The following ANK3 variants were observed in gnomAD, a reference collection of about 807,000 sequenced individuals.
ANK3 encodes ankyrin 3.
Under a neutral mutation model 370.9 loss-of-function variants are expected in ANK3, and 57 were observed. That is an observed-to-expected ratio of 0.15 (90% CI 0.12 to 0.19). The LOEUF (loss-of-function observed/expected upper bound fraction) is 0.19. Among genes scored for constraint, ANK3 ranks in the 10% least tolerant of loss-of-function variants. The probability of loss-of-function intolerance (pLI) is 1.00; values close to 1 mark genes in which losing one functional copy is unlikely to be tolerated. For synonymous variants in ANK3, 1,929 were observed against 1,946.3 expected, an observed-to-expected ratio of 0.99 and a Z score of 0.23; for missense variants, 4,439 against 5,302.1, an observed-to-expected ratio of 0.84 and a Z score of 5.06.
At chr10:60,285,669 A>G (rs1593062716) in intron 1 of ANK3, among the ~76,000 whole-genome samples, 1 of 151,914 alleles carries the variant, frequency 6.6e-6, no homozygotes, top group African/African-American at 2.4e-5. Context: ...TATGGCTCCC[A>G]CTATTCTCTC....
At chr10:60,205,451 A>G (rs1332308566) in intron 11 of ANK3, among the ~76,000 whole-genome samples, 2 of 152,164 alleles carry the variant, frequency 1.3e-5, no homozygotes, top group African/African-American at 2.4e-5. Flanking sequence ...TCCAGACATG[A>G]CTAAACGCCC....
At chr10:60,423,107 TA>T (rs977944398) in intron 2 of ANK3, among the ~76,000 whole-genome samples, 1 of 152,040 alleles carries the variant, frequency 6.6e-6, no homozygotes, top group African/African-American at 2.4e-5. Flanking sequence ...CAGATAATTT[TA>T]AAAGACCCAT....
At chr10:60,214,162 T>C (rs1158460140) in intron 8 of ANK3, among the ~76,000 whole-genome samples, 1 of 152,124 alleles carries the variant, frequency 6.6e-6, no homozygotes, top group Non-Finnish European at 1.5e-5. Context: ...TCTCTTTTAA[T>C]TAGATATGCT....
intron 35 of ANK3, chr10:60,081,426 T>C: frequency 2.6e-6 from 1 of 382,020 alleles, no homozygotes; most frequent in South Asian, 2.0e-5. Context: ...CTAAGGCTAC[T>C]TGATTCTATT....
intron 28 of ANK3, 131 bp downstream of exon 28, chr10:60,105,774 A>C (rs2092081822): frequency 2.2e-6 from 2 of 927,322 alleles, no homozygotes; most frequent in Non-Finnish European, 3.1e-6. Flanking sequence ...AAACAGCAAC[A>C]AAAGCTGAAG....
In ANK3 at chr10:60,108,899, G is replaced by C. The variant is rs1178423255; in HGVS notation, c.3104C>G (p.Pro1035Arg). ...VKRHKLANPP[P>R]MVEGEGLASR... Reference sequence around the variant, plus strand: ...GGCTAATCCCTCTCCTTCCACCATGGGGGGTGGGTTGGCCAGTTTATGTCT... The same window carrying C: ...GGCTAATCCCTCTCCTTCCACCATGCGGGGTGGGTTGGCCAGTTTATGTCT... The change falls in exon 27 of 44, where the codon CCC becomes CGC. Residue 1035 changes from proline to arginine, a missense_variant. By Grantham distance (103) the Pro-to-Arg change is moderately radical. This residue lies in a region of ANK3 where 702 missense variants were observed against 941.5 expected (regional missense o/e 0.75). Transcript: ENST00000280772. 5.0e-6 allele frequency: 8 copies of C among 1,614,066 alleles called. No individual in the cohort carries two copies. Among genetic ancestry groups the C allele is most frequent in the East Asian group, 2.2e-5 (1 of 44,868 alleles).
At chr10:60,362,249 C>G (rs562343691) in intron 1 of ANK3, among the ~76,000 whole-genome samples, 1 of 152,274 alleles carries the variant, frequency 6.6e-6, no homozygotes, top group South Asian at 2.1e-4. Context: ...CAAAAAACAA[C>G]TTTGTACATA....
intron 2 of ANK3, among the ~76,000 whole-genome samples, chr10:60,452,755 A>G (rs970868677): frequency 6.6e-6 from 1 of 152,204 alleles, no homozygotes; most frequent in Admixed American, 6.5e-5. Context: ...TTTCCTGCAG[A>G]TTTGGGTGTC....
chr10:60,722,853 T>C (rs1206147118), intron 1 of ANK3, among the ~76,000 whole-genome samples: 1 of 152,186 alleles, frequency 6.6e-6, no homozygotes, highest in Non-Finnish European at 1.5e-5. Context: ...TGTCTTTGCC[T>C]TCCAGCAAAA....
intron 25 of ANK3, among the ~76,000 whole-genome samples, chr10:60,116,589 T>C (rs1475706242): frequency 2.1e-5 from 2 of 93,414 alleles, no homozygotes; most frequent in Non-Finnish European, 4.6e-5. Flanking sequence ...AATAGACTAC[T>C]TATTAAAAAA....
At chr10:60,491,849 C>T (rs908004367) in intron 2 of ANK3, among the ~76,000 whole-genome samples, 1 of 152,094 alleles carries the variant, frequency 6.6e-6, no homozygotes. Context: ...TCTGTCTCCT[C>T]ATATATAAAA....
chr10:60,289,930 A>G (rs762566549), intron 1 of ANK3, among the ~76,000 whole-genome samples: 1 of 152,226 alleles, frequency 6.6e-6, no homozygotes, highest in Non-Finnish European at 1.5e-5. Context: ...CGTGTGGGAC[A>G]CAGGGCTGTG....
intron 1 of ANK3, among the ~76,000 whole-genome samples, chr10:60,660,564 T>C (rs570341110): frequency 9.5e-4 from 145 of 152,260 alleles, no homozygotes; most frequent in African/African-American, 3.2e-3. Context: ...AGGTCAAAAG[T>C]TCTTGTTTCT....
chr10:60,572,459 T>G, intron 2 of ANK3: 1 of 1,535,752 alleles, frequency 6.5e-7, no homozygotes, highest in Non-Finnish European at 8.7e-7. Context: ...CTTATTCATT[T>G]CTTACCTTTT....
At chr10:60,500,024 A>C (rs752250523) in intron 2 of ANK3, among the ~76,000 whole-genome samples, 7 of 152,246 alleles carry the variant, frequency 4.6e-5, no homozygotes, top group Non-Finnish European at 1.0e-4. Flanking sequence ...AATATAGAAC[A>C]GAAAACTATG....
At chr10:60,291,351 G>C (rs1007791222) in intron 1 of ANK3, among the ~76,000 whole-genome samples, 14 of 152,084 alleles carry the variant, frequency 9.2e-5, no homozygotes, top group Admixed American at 2.6e-4. Flanking sequence ...ATTTTGTCTT[G>C]ATTTGCACCA....
intron 1 of ANK3, among the ~76,000 whole-genome samples, chr10:60,688,571 C>A (rs2079302295): frequency 6.6e-6 from 1 of 152,030 alleles, no homozygotes; most frequent in East Asian, 1.9e-4. Flanking sequence ...TATAATATTC[C>A]ATTTTGTGAA....
chr10:60,683,437 G>A (rs1270999802), intron 1 of ANK3, among the ~76,000 whole-genome samples: 1 of 152,162 alleles, frequency 6.6e-6, no homozygotes, highest in African/African-American at 2.4e-5. Context: ...GGGACTGACT[G>A]CAGCCATATC....
chr10:60,509,259 A>G (rs2076019649), intron 2 of ANK3, among the ~76,000 whole-genome samples: 1 of 152,134 alleles, frequency 6.6e-6, no homozygotes, highest in Non-Finnish European at 1.5e-5. Context: ...GCAAAAAAAA[A>G]AGTCAACATA....
Sources: gnomAD v4.1 joint callset for allele counts (sites outside exome capture counted in the v4.1 genomes callset) on GRCh38, gnomAD v4.1.1 for gene constraint, gnomAD v4.1.1 regional missense constraint, MANE v1.5 for transcripts, NCBI Gene and HGNC (gene_info 2026-07-23, HGNC 2026-07-21) for gene names.